PEX14: variants seen among roughly 807,000 people sequenced by gnomAD.
PEX14 encodes peroxisomal biogenesis factor 14, also known as peroxisomal membrane protein PEX14.
A neutral mutation model predicts 49.5 loss-of-function variants in PEX14; 15 were observed. The ratio of observed to expected loss-of-function variants is 0.30; its 90% CI spans 0.20 to 0.47. The LOEUF is 0.47. PEX14 is among the 20% of genes least tolerant of loss of function. The probability of loss-of-function intolerance (pLI) is 1.00; values close to 1 mark genes in which losing one functional copy is unlikely to be tolerated. For synonymous variants in PEX14, 210 were observed against 212.7 expected (o/e 0.99, Z 0.11); for missense variants, 398 against 494.8 (o/e 0.80, Z 1.86).
intron 3 of PEX14, among the ~76,000 whole-genome samples, chr1:10,590,235 G>C (rs1475488812): frequency 6.6e-6 from 1 of 152,216 alleles, no homozygotes; most frequent in Non-Finnish European, 1.5e-5. Flanking sequence ...AAACAAAACC[G>C]TGAGCCTGCA....
chr1:10,627,166 A>T (rs374831312), intron 7 of PEX14, 106 bp from the exon 8 acceptor site: 15 of 795,688 alleles, frequency 1.9e-5, no homozygotes, highest in African/African-American at 1.7e-4. Flanking sequence ...CCCAGAACAG[A>T]CCCAGAAGGC....
intron 2 of PEX14, among the ~76,000 whole-genome samples, chr1:10,534,377 C>A (rs1183666449): frequency 1.3e-5 from 2 of 151,908 alleles, no homozygotes; most frequent in Non-Finnish European, 2.9e-5. Flanking sequence ...TCTCATTTCT[C>A]CTCTCTCCTT....
intron 2 of PEX14, among the ~76,000 whole-genome samples, chr1:10,497,645 C>T (rs962066136): frequency 6.6e-5 from 10 of 152,108 alleles, no homozygotes; most frequent in African/African-American, 1.9e-4. Context: ...CCTGGTTGGG[C>T]GTAGAAGAGA....
chr1:10,502,459 G>A lies in PEX14; in HGVS notation c.84+7138G>A, dbSNP rs1255587476. On this transcript the variant is annotated intron_variant, in intron 2 of 8. Transcript: ENST00000356607. ...AGCAGGTTTATTGCATAGACTAGGC[G>A]GTGCCCTTTACATTGTTTCCTCTTT... 3.3e-5 allele frequency among the ~76,000 whole-genome samples: 5 copies of A among 152,064 alleles called. No homozygotes were observed. The East Asian group carries it at 5.8e-4, about 18-fold the overall frequency.
At chr1:10,583,293 C>T (rs956526867) in intron 3 of PEX14, among the ~76,000 whole-genome samples, 8 of 150,802 alleles carry the variant, frequency 5.3e-5, no homozygotes, top group African/African-American at 4.9e-5. Context: ...AGTCATGGCT[C>T]ACTGCAGCCT....
intron 3 of PEX14, among the ~76,000 whole-genome samples, chr1:10,579,971 C>T (rs1640264393): frequency 6.6e-6 from 1 of 151,852 alleles, no homozygotes; most frequent in Admixed American, 6.6e-5. Flanking sequence ...TGGAGTTGTT[C>T]TGGTTCACAT....
At chr1:10,504,436 C>T (rs61367470) in intron 2 of PEX14, among the ~76,000 whole-genome samples, 1 of 152,186 alleles carries the variant, frequency 6.6e-6, no homozygotes, top group Admixed American at 6.5e-5. Context: ...ATAAATTACC[C>T]CTGTCAGGAA....
intron 3 of PEX14, among the ~76,000 whole-genome samples, chr1:10,550,208 G>A (rs779314035): frequency 5.9e-5 from 9 of 152,208 alleles, no homozygotes; most frequent in Non-Finnish European, 1.3e-4. Flanking sequence ...ATGATAAGTG[G>A]TTCTGTGAAG....
At chr1:10,487,778 C>T (rs1008021537) in intron 1 of PEX14, among the ~76,000 whole-genome samples, 6 of 150,820 alleles carry the variant, frequency 4.0e-5, no homozygotes, top group Admixed American at 1.3e-4. Flanking sequence ...CCACTGTGCC[C>T]GGCCTACTTT....
At chr1:10,568,683 C>T (rs567607492) in intron 3 of PEX14, among the ~76,000 whole-genome samples, 1 of 152,178 alleles carries the variant, frequency 6.6e-6, no homozygotes, top group African/African-American at 2.4e-5. Context: ...TGTTCATGCC[C>T]TCAGACATCA....
intron 3 of PEX14, among the ~76,000 whole-genome samples, chr1:10,569,051 G>A (rs1639897178): frequency 6.6e-6 from 1 of 152,110 alleles, no homozygotes; most frequent in Admixed American, 6.6e-5. Flanking sequence ...TTGAAGTAGA[G>A]ATTGATGGAG....
intron 5 of PEX14, among the ~76,000 whole-genome samples, chr1:10,620,794 G>C (rs1407139497): frequency 6.6e-6 from 1 of 152,244 alleles, no homozygotes; most frequent in African/African-American, 2.4e-5. Flanking sequence ...GCGAGACTTT[G>C]TCTCAAATAA....
At chr1:10,622,544 A>G (rs1210184364) in intron 5 of PEX14, among the ~76,000 whole-genome samples, 2 of 152,188 alleles carry the variant, frequency 1.3e-5, no homozygotes, top group South Asian at 2.1e-4. Context: ...TTGTTTCTGA[A>G]TAGGTGATTC....
In PEX14 at chr1:10,630,249, A is replaced by G; in HGVS notation, c.*262A>G. 1 of 585,558 alleles carries G rather than the reference A, an allele frequency of 1.7e-6. No individual in the cohort carries two copies. Among genetic ancestry groups the G allele is most frequent in the Non-Finnish European group, 3.0e-6 (1 of 333,260 alleles). 36.3% of individuals were successfully genotyped at this position (585,558 alleles called of 1,614,324 possible). Reference sequence around the variant, plus strand: ...TTGGCTTTGATCTCAAGTCAGGCTGAAGGCAGCGAAGCCTCGGGGCCCAAG... The same window carrying G: ...TTGGCTTTGATCTCAAGTCAGGCTGGAGGCAGCGAAGCCTCGGGGCCCAAG... On this transcript the variant is annotated 3_prime_UTR_variant, in exon 9 of 9. Transcript: ENST00000356607. This position sits in a 1 kb window ranked among gnomAD's most constrained non-coding sequence, Gnocchi z 4.1.
intron 3 of PEX14, among the ~76,000 whole-genome samples, chr1:10,573,187 C>T (rs902796478): frequency 5.3e-5 from 8 of 152,200 alleles, no homozygotes; most frequent in African/African-American, 1.9e-4. Flanking sequence ...TATCATGTGG[C>T]GCGTAACTAT....
intron 1 of PEX14, 117 bp downstream of exon 1, chr1:10,475,119 T>C (rs1453816153): frequency 1.1e-6 from 1 of 951,836 alleles, no homozygotes; most frequent in Non-Finnish European, 1.7e-6. Context: ...GACCCCGACC[T>C]CTTGCCCCCT....
intron 7 of PEX14, among the ~76,000 whole-genome samples, chr1:10,625,394 T>C (rs1227259171): frequency 6.6e-6 from 1 of 152,148 alleles, no homozygotes; most frequent in Non-Finnish European, 1.5e-5. Flanking sequence ...CCATCCCGAG[T>C]TGCTTACCCA....
chr1:10,531,322 G>A (rs1268252273), intron 2 of PEX14, among the ~76,000 whole-genome samples: 1 of 152,190 alleles, frequency 6.6e-6, no homozygotes, highest in Non-Finnish European at 1.5e-5. Context: ...ATTTGTCAAG[G>A]AACTCCTGAC....
intron 3 of PEX14, among the ~76,000 whole-genome samples, chr1:10,595,128 G>T (rs1316681440): frequency 6.6e-6 from 1 of 152,154 alleles, no homozygotes; most frequent in Non-Finnish European, 1.5e-5. Context: ...TCTTCTGGAG[G>T]TTTTTGCAAG....
Sources: gnomAD v4.1 joint callset for allele counts (sites outside exome capture counted in the v4.1 genomes callset) on GRCh38, gnomAD v4.1.1 for gene constraint, Gnocchi (gnomAD v3.1) non-coding constraint, MANE v1.5 for transcripts, NCBI Gene and HGNC (gene_info 2026-07-23, HGNC 2026-07-21) for gene names.